The following NSD2 variants were observed in gnomAD, a reference collection of about 807,000 sequenced individuals.
NSD2 encodes nuclear receptor binding SET domain protein 2, also known as histone-lysine N-methyltransferase NSD2.
A neutral mutation model predicts 139.0 loss-of-function variants in NSD2; 12 were observed. The observed-to-expected ratio is 0.09, with a 90% CI of 0.06 to 0.14. The LOEUF is 0.14. Among genes scored for constraint, NSD2 ranks in the 10% least tolerant of loss-of-function variants. The probability of loss-of-function intolerance (pLI) is 1.00; values close to 1 mark genes in which losing one functional copy is unlikely to be tolerated. For synonymous variants in NSD2, 669 were observed against 648.7 expected (o/e 1.03, Z -0.48); for missense variants, 1,155 against 1,745.0 (o/e 0.66, Z 6.02).
chr4:1,901,958 C>G (rs934698729), intron 2 of NSD2, among the ~76,000 whole-genome samples: 1 of 152,176 alleles, frequency 6.6e-6, no homozygotes, highest in Non-Finnish European at 1.5e-5. Context: ...TCCACGCCTT[C>G]ACGTGGCACT....
Position 1,948,133 on chromosome 4 carries a change from G to A in NSD2, c.1882-2939G>A, listed in dbSNP as rs1245356616. The A allele has an allele frequency of 1.7e-5, 18 of 1,061,318 alleles. No individual in the cohort carries two copies. Among genetic ancestry groups the A allele is most frequent in the Non-Finnish European group, 2.1e-5 (18 of 876,524 alleles). The allele number at this position is 1,061,318 out of a possible 1,614,324, so 65.7% of individuals were successfully genotyped here. On this transcript the variant is annotated intron_variant, in intron 9 of 21. Transcript: ENST00000508803. This position sits in a 1 kb window ranked among gnomAD's most constrained non-coding sequence, Gnocchi z 4.5. ...TATCTTATTCTGAGTAGAGAGTGGA[G>A]AAAGTATTTTCAGACTGAAGAAAAC...
intron 21 of NSD2, among the ~76,000 whole-genome samples, chr4:1,977,614 A>G (rs1173657874): frequency 6.6e-6 from 1 of 151,578 alleles, no homozygotes; most frequent in African/African-American, 2.4e-5. Flanking sequence ...CGTCTCTACT[A>G]AAAATACAAA....
rs992136753 is a variant in NSD2 at position 1,979,178 on chromosome 4, C to T, written c.*269C>T. The T allele has an allele frequency of 5.2e-6, 2 of 387,656 alleles. No homozygotes were observed. The highest frequency in any genetic ancestry group is 6.6e-4 in the Middle Eastern group (1 of 1,514). The allele number at this position is 387,656 out of a possible 1,614,324, so 24.0% of individuals were successfully genotyped here. The stretch of plus-strand genomic sequence containing the variant: ...GCGTTACCGCCACACTTGAATTTCT[C>T]CGAATGTCAAGGTTCCCTCCCACTC... On this transcript the variant is annotated 3_prime_UTR_variant, in exon 22 of 22. Transcript: ENST00000508803.
intron 1 of NSD2, among the ~76,000 whole-genome samples, chr4:1,888,714 A>G (rs1715306546): frequency 1.3e-5 from 2 of 149,006 alleles, no homozygotes; most frequent in African/African-American, 2.5e-5. Context: ...ACAGGCGTGA[A>G]CCCACTGCGC....
chr4:1,918,973 C>A (rs1254085791), intron 5 of NSD2: 3 of 191,946 alleles, frequency 1.6e-5, no homozygotes, highest in South Asian at 1.0e-4. Context: ...CATGGTGAAA[C>A]CCCATCTCTA....
rs1431024695 is a variant in NSD2 at position 1,981,322 on chromosome 4, C to T, written c.*2413C>T. ...GCGGCCCTGAGCTTGCAGGGTTTCT[C>T]GCCACTGGGGCTGACCACGCCCCCA... On this transcript the variant is annotated 3_prime_UTR_variant, in exon 22 of 22. Coordinates refer to ENST00000508803, the MANE Select transcript of NSD2 (RefSeq NM_001042424.3). 4 of 233,406 alleles carry T rather than the reference C, an allele frequency of 1.7e-5. No homozygotes were observed. Among genetic ancestry groups the T allele is most frequent in the South Asian group, 1.8e-4 (1 of 5,532 alleles). 14.5% of individuals were successfully genotyped at this position (233,406 alleles called of 1,614,324 possible).
At chr4:1,949,397 TGAGAA>T (rs927666462) in intron 9 of NSD2, among the ~76,000 whole-genome samples, 16 of 152,196 alleles carry the variant, frequency 1.1e-4, no homozygotes, top group Middle Eastern at 6.8e-3. Flanking sequence ...ATGTATCTAG[TGAGAA>T]GAGAAGAGTG....
chr4:1,909,268 C>CCA (rs1718351789), intron 3 of NSD2, among the ~76,000 whole-genome samples: 1 of 152,052 alleles, frequency 6.6e-6, no homozygotes, highest in African/African-American at 2.4e-5. Context: ...CACCACCCCC[C>CCA]CCAACCCTAG....
At chr4:1,892,032 C>T (rs1444789870) in intron 1 of NSD2, 1 of 152,162 alleles carries the variant, frequency 6.6e-6, no homozygotes, top group East Asian at 1.9e-4. Flanking sequence ...TTTTCTGCCT[C>T]TCTCCTCTAG....
chr4:1,957,911 T>C, intron 15 of NSD2, 22 bp from the exon 16 acceptor site: 1 of 1,609,566 alleles, frequency 6.2e-7, no homozygotes, highest in Non-Finnish European at 8.5e-7. Context: ...AAATCTTTAC[T>C]CCTATTTCAT....
rs202245225 is a variant in NSD2, at chr4:1,955,806, C to G, written c.2632C>G (p.Leu878Val). 2.5e-6 allele frequency: 4 copies of G among 1,614,114 alleles called. No individual in the cohort carries two copies. Among genetic ancestry groups the G allele is most frequent in the African/African-American group, 1.3e-5 (1 of 74,946 alleles). The change falls in exon 14 of 22, where the codon CTG (leucine) becomes GTG (valine). Residue 878 changes from leucine to valine, a missense_variant. By Grantham distance (32) the Leu-to-Val change is conservative. Transcript: ENST00000508803. This position sits in a 1 kb window ranked among gnomAD's most constrained non-coding sequence, Gnocchi z 4.7. ...FCNDCRAGKKLHFQDIIWVKL... is the reference protein window; with the variant it reads ...FCNDCRAGKKVHFQDIIWVKL... ...CAATGACTGCAGGGCTGGGAAGAAG[C>G]TGCACTTCCAGGATATCATTTGGGT... is the stretch of plus-strand genomic sequence containing the variant.
At chr4:1,905,054 C>G (rs771183337) in intron 3 of NSD2, among the ~76,000 whole-genome samples, 1 of 151,884 alleles carries the variant, frequency 6.6e-6, no homozygotes, top group Non-Finnish European at 1.5e-5. Context: ...CGCTAGAACC[C>G]GGGAGGTGGA....
intron 17 of NSD2, 41 bp from the exon 18 acceptor site, chr4:1,960,994 C>G (rs73796670): frequency 2.6e-6 from 4 of 1,561,398 alleles, no homozygotes; most frequent in African/African-American, 2.7e-5. Flanking sequence ...GAGGATTGGT[C>G]AGCACGCTTT....
At chr4:1,905,297 C>T (rs111535511) in intron 3 of NSD2, among the ~76,000 whole-genome samples, 38 of 152,310 alleles carry the variant, frequency 2.5e-4, no homozygotes, top group Non-Finnish European at 4.4e-5. Flanking sequence ...TGCGATGTGG[C>T]GAGTGCGGAG....
chr4:1,934,866 AAAAAAAAAAAAAAT>A (rs1722131458), intron 6 of NSD2, among the ~76,000 whole-genome samples: 9 of 95,110 alleles, frequency 9.5e-5, no homozygotes, highest in South Asian at 4.2e-4. Context: ...AAAAAAAAAA[AAAAAAAAAAAAAAT>A]ATATATATAT....
Position 1,890,713 on chromosome 4 carries a change from C to G in NSD2, c.-29-9913C>G, listed in dbSNP as rs531189933. Among the ~76,000 whole-genome samples, 45 of 152,108 alleles carry G rather than the reference C, an allele frequency of 3.0e-4. 1 individual carries two copies. The highest frequency in any genetic ancestry group is 2.7e-3 in the Admixed American group (41 of 15,268). ...GCCTCCTGGGTTCCAGTGGTTCTAC[C>G]TCAGCCTCCCAAGTAGCTAGGATTA... is the stretch of plus-strand genomic sequence containing the variant. On this transcript the variant is annotated intron_variant, in intron 1 of 21. Transcript: ENST00000508803.
chr4:1,938,794 G>T (rs1193269898), intron 8 of NSD2, among the ~76,000 whole-genome samples: 2 of 152,146 alleles, frequency 1.3e-5, no homozygotes, highest in Non-Finnish European at 2.9e-5. Context: ...TCTATTATTT[G>T]CAATTTAAAA....
intron 1 of NSD2, among the ~76,000 whole-genome samples, chr4:1,872,476 C>G (rs1376554541): frequency 6.6e-6 from 1 of 152,066 alleles, no homozygotes; most frequent in Non-Finnish European, 1.5e-5. Context: ...TCTTTCTGTG[C>G]CCACGATGGG....
At position 1,975,766 on chromosome 4, in the gene NSD2, G is replaced by A. The variant is rs553521905; in HGVS notation, c.3621+366G>A. ...CTGCTCCTTGGCTTGTAGCAGCACC[G>A]CCCAACCATTCTCCCTGCGAACATG... On this transcript the variant is annotated intron_variant, in intron 20 of 21. Transcript: ENST00000508803. The A allele has an allele frequency of 3.7e-4, 87 of 233,190 alleles. 1 individual carries two copies. Among genetic ancestry groups the A allele is most frequent in the African/African-American group, 1.9e-3 (82 of 44,208 alleles). The allele number at this position is 233,190 out of a possible 1,614,324, so 14.4% of individuals were successfully genotyped here.
Sources: allele counts gnomAD v4.1 joint callset (sites outside exome capture counted in the v4.1 genomes callset), GRCh38; gene constraint gnomAD v4.1.1; non-coding constraint Gnocchi (gnomAD v3.1); transcripts MANE v1.5; gene names NCBI Gene and HGNC (gene_info 2026-07-23, HGNC 2026-07-21).